The following VWC2L variants were observed in gnomAD, a reference collection of about 807,000 sequenced individuals.
VWC2L encodes von Willebrand factor C domain containing 2 like.
VWC2L carries 10 observed loss-of-function variants against 21.6 expected under a neutral mutation model. The observed-to-expected ratio is 0.46, with a 90% CI of 0.29 to 0.78. VWC2L has a LOEUF of 0.78. Among genes scored for constraint, VWC2L ranks in the 30% least tolerant of loss-of-function variants. VWC2L has a pLI of 0.10. For missense variants in VWC2L, 209 were observed against 277.1 expected (o/e 0.75, Z 1.74); for synonymous variants, 96 against 94.3 (o/e 1.02, Z -0.10).
intron 3 of VWC2L, among the ~76,000 whole-genome samples, chr2:214,505,056 C>A (rs34912461): frequency 0.24 from 36,398 of 152,014 alleles, 4,873 homozygotes; most frequent in East Asian, 0.47. Context: ...TCCATCCCCA[C>A]GGACATGCTC....
Position 214,434,816 on chromosome 2 carries a change from T to C in VWC2L, c.391-1813T>C, listed in dbSNP as rs569366359. ...GTTATTTTGAAGTAAACATTTTGCATTTGAAAATTTAGGATTCTCTTCAGA... is the reference window on the plus strand; with the variant it reads ...GTTATTTTGAAGTAAACATTTTGCACTTGAAAATTTAGGATTCTCTTCAGA... On this transcript the variant is annotated intron_variant, in intron 2 of 3. Transcript: ENST00000312504. 2.6e-5 allele frequency among the ~76,000 whole-genome samples: 4 copies of C among 152,316 alleles called. No individual in the cohort carries two copies. The East Asian group carries it at 7.7e-4, about 29-fold the overall frequency.
At chr2:214,519,127 G>A (rs187557442) in intron 3 of VWC2L, among the ~76,000 whole-genome samples, 3 of 152,176 alleles carry the variant, frequency 2.0e-5, no homozygotes, top group Admixed American at 6.5e-5. Flanking sequence ...TAATCAGTGC[G>A]ATTGAGGAAT....
At chr2:214,413,374 C>T (rs1304572510) in intron 1 of VWC2L, among the ~76,000 whole-genome samples, 1 of 151,874 alleles carries the variant, frequency 6.6e-6, no homozygotes, top group Admixed American at 6.6e-5. Context: ...ATAATGTGGA[C>T]AATAATACAA....
chr2:214,547,037 G>C (rs1689718876), intron 3 of VWC2L, among the ~76,000 whole-genome samples: 1 of 152,132 alleles, frequency 6.6e-6, no homozygotes, highest in African/African-American at 2.4e-5. Flanking sequence ...ATTCTTTAGG[G>C]AGACAGAGAG....
intron 3 of VWC2L, among the ~76,000 whole-genome samples, chr2:214,522,269 G>A (rs1212771968): frequency 6.6e-6 from 1 of 151,538 alleles, no homozygotes; most frequent in Non-Finnish European, 1.5e-5. Flanking sequence ...CAGCTACTCC[G>A]GAGGGTGACG....
chr2:214,530,344 A>G (rs1321570101), intron 3 of VWC2L, among the ~76,000 whole-genome samples: 3 of 152,210 alleles, frequency 2.0e-5, no homozygotes, highest in Non-Finnish European at 2.9e-5. Context: ...AGAGGGGATC[A>G]AGATTACCTG....
intron 3 of VWC2L, among the ~76,000 whole-genome samples, chr2:214,454,283 T>C (rs930003112): frequency 1.3e-5 from 2 of 152,176 alleles, no homozygotes; most frequent in Non-Finnish European, 2.9e-5. Context: ...TTTATCTTAT[T>C]GTGCTTTTTA....
chr2:214,519,124 T>G (rs1339548943), intron 3 of VWC2L, among the ~76,000 whole-genome samples: 1 of 152,124 alleles, frequency 6.6e-6, no homozygotes, highest in Non-Finnish European at 1.5e-5. Flanking sequence ...TCATAATCAG[T>G]GCGATTGAGG....
intron 3 of VWC2L, among the ~76,000 whole-genome samples, chr2:214,460,332 T>TA (rs1703121745): frequency 6.6e-6 from 1 of 152,360 alleles, no homozygotes; most frequent in Non-Finnish European, 1.5e-5. Context: ...TGTTCAGCTA[T>TA]CATTTTGTTA....
At chr2:214,529,512 G>A (rs141490469) in intron 3 of VWC2L, among the ~76,000 whole-genome samples, 13 of 152,088 alleles carry the variant, frequency 8.5e-5, no homozygotes, top group Admixed American at 2.0e-4. Flanking sequence ...TTTATATGCC[G>A]TTTCTTCTTA....
chr2:214,426,968 C>T (rs1414695610), intron 2 of VWC2L, among the ~76,000 whole-genome samples: 2 of 152,148 alleles, frequency 1.3e-5, no homozygotes, highest in Non-Finnish European at 1.5e-5. Flanking sequence ...AAGAAGTATG[C>T]TTCTAAGGCA....
chr2:214,486,662 C>T (rs566816394), intron 3 of VWC2L, among the ~76,000 whole-genome samples: 30 of 152,282 alleles, frequency 2.0e-4, no homozygotes, highest in African/African-American at 7.2e-4. Flanking sequence ...TGCCCGTACA[C>T]TCAGCTAGCT....
At position 214,426,033 on chromosome 2, in the gene VWC2L, A is replaced by G. The variant is rs944539232; in HGVS notation, c.391-10596A>G. On this transcript the variant is annotated intron_variant, in intron 2 of 3. Coordinates refer to ENST00000312504, the MANE Select transcript of VWC2L (RefSeq NM_001080500.4). ...CTAAAAATACAAAGATTAGCCTGGC[A>G]TGATGGTGGGTGCCCATAGTCCCAG... 1.7e-4 allele frequency among the ~76,000 whole-genome samples: 26 copies of G among 152,036 alleles called. No homozygotes were observed. In the East Asian group the frequency reaches 2.5e-3, roughly 15 times the overall value.
At chr2:214,438,990 A>G (rs1430692221) in intron 3 of VWC2L, among the ~76,000 whole-genome samples, 2 of 152,056 alleles carry the variant, frequency 1.3e-5, no homozygotes, top group African/African-American at 4.8e-5. Context: ...AGGGAAATGA[A>G]TCTGAATTTA....
At chr2:214,497,132 G>C (rs185967124) in intron 3 of VWC2L, among the ~76,000 whole-genome samples, 42 of 152,210 alleles carry the variant, frequency 2.8e-4, no homozygotes, top group Admixed American at 2.6e-3. Flanking sequence ...GCTAAATTTA[G>C]AGCATTGAAA....
chr2:214,445,002 A>G (rs970486606), intron 3 of VWC2L, among the ~76,000 whole-genome samples: 2 of 151,972 alleles, frequency 1.3e-5, no homozygotes, highest in African/African-American at 2.4e-5. Flanking sequence ...GAAAAAATGT[A>G]TGGGTAACAT....
At chr2:214,529,600 G>A (rs1377195028) in intron 3 of VWC2L, among the ~76,000 whole-genome samples, 2 of 152,106 alleles carry the variant, frequency 1.3e-5, no homozygotes, top group Non-Finnish European at 2.9e-5. Context: ...AAGCTTGAGA[G>A]GCTAAAAGCA....
intron 2 of VWC2L, 114 bp downstream of exon 2, chr2:214,414,697 T>C: frequency 8.4e-7 from 1 of 1,185,738 alleles, no homozygotes; most frequent in East Asian, 2.6e-5. Flanking sequence ...TCCCTTTAAA[T>C]TATACAATTT....
At chr2:214,417,011 A>G (rs909041239) in intron 2 of VWC2L, among the ~76,000 whole-genome samples, 3 of 152,172 alleles carry the variant, frequency 2.0e-5, no homozygotes, top group Admixed American at 6.5e-5. Flanking sequence ...AAGAATTCTC[A>G]TACCTTTTTA....
Sources: allele counts gnomAD v4.1 joint callset (sites outside exome capture counted in the v4.1 genomes callset), GRCh38; gene constraint gnomAD v4.1.1; transcripts MANE v1.5; gene names NCBI Gene and HGNC (gene_info 2026-07-23, HGNC 2026-07-21).